HMGN3: variants seen among roughly 807,000 people sequenced by gnomAD.
HMGN3 encodes high mobility group nucleosome-binding domain-containing protein 3.
Under a neutral mutation model 18.8 loss-of-function variants are expected in HMGN3, and 6 were observed. The ratio of observed to expected loss-of-function variants is 0.32; its 90% CI spans 0.18 to 0.63. The LOEUF (loss-of-function observed/expected upper bound fraction) is 0.63, where lower values mean the gene tolerates loss of function less well. Ranked by LOEUF, HMGN3 falls within the 30% of genes least tolerant of loss-of-function variation. HMGN3 has a pLI of 0.79. For missense variants in HMGN3, 107 were observed against 114.2 expected (o/e 0.94, Z 0.29); for synonymous variants, 40 against 36.5 (o/e 1.10, Z -0.35).
rs9448658 is a variant in HMGN3, at chr6:79,201,764, A to G, written c.262-38T>C. The stretch of plus-strand genomic sequence containing the variant: ...AAGGAAAAAAAAACATATAGTTACT[A>G]CTGAAACTACTATAAGCAAAGGAAA... On this transcript the variant is annotated intron_variant, in intron 5 of 5. Coordinates refer to ENST00000344726, the Ensembl canonical transcript of HMGN3. The G allele has an allele frequency of 5.8e-4, 932 of 1,598,766 alleles. 8 individuals are homozygous for G. The African/African-American group carries it at 0.011, about 18-fold the overall frequency.
chr6:79,230,712 C>G (rs894749821), intron 1 of HMGN3, among the ~76,000 whole-genome samples: 1 of 152,082 alleles, frequency 6.6e-6, no homozygotes, highest in South Asian at 2.1e-4. Context: ...AAACAGCAAA[C>G]CTTTTTCAGT....
At chr6:79,231,918 T>C (rs1421074097) in intron 1 of HMGN3, among the ~76,000 whole-genome samples, 1 of 152,204 alleles carries the variant, frequency 6.6e-6, no homozygotes, top group Non-Finnish European at 1.5e-5. Flanking sequence ...GGGCAAAAAC[T>C]GTATGTCCCT....
intron 1 of HMGN3, among the ~76,000 whole-genome samples, chr6:79,230,426 T>C (rs893502852): frequency 6.6e-6 from 1 of 152,208 alleles, no homozygotes; most frequent in Non-Finnish European, 1.5e-5. Context: ...ATGGACTTTA[T>C]AGTAAGTAGA....
At chr6:79,218,871 T>C (rs1473120895) in intron 1 of HMGN3, among the ~76,000 whole-genome samples, 1 of 152,040 alleles carries the variant, frequency 6.6e-6, no homozygotes, top group Non-Finnish European at 1.5e-5. Context: ...AATAAAAAAC[T>C]CAAAACACGG....
intron 4 of HMGN3, among the ~76,000 whole-genome samples, chr6:79,203,255 T>G (rs953592479): frequency 6.6e-6 from 1 of 152,112 alleles, no homozygotes; most frequent in African/African-American, 2.4e-5. Flanking sequence ...ATTCCTCCCA[T>G]AGTGGGGCAG....
At chr6:79,211,465 G>GTTTTTTTTTTTTTTTT (rs58861121) in intron 2 of HMGN3, among the ~76,000 whole-genome samples, 1 of 135,366 alleles carries the variant, frequency 7.4e-6, no homozygotes, top group Non-Finnish European at 1.6e-5. Flanking sequence ...AATTTCTCTT[G>GTTTTTTTTTTTTTTTT]TTTTTTTTTT....
rs1339480816 is a variant in HMGN3, at chr6:79,234,441, T to A, written c.15+105A>T. ...AGCGTGGAGGAGCAAAGATTCCCAA[T>A]CCCCGGGTTACTACCGCGCGCGTTC... is the stretch of plus-strand genomic sequence containing the variant. On this transcript the variant is annotated intron_variant, in intron 1 of 5. Coordinates refer to ENST00000344726, the Ensembl canonical transcript of HMGN3. 6 of 1,064,930 alleles carry A rather than the reference T, an allele frequency of 5.6e-6. No homozygotes were observed. In the East Asian group the frequency reaches 7.2e-5, roughly 13 times the overall value. The allele number at this position is 1,064,930 out of a possible 1,614,324, so 66.0% of individuals were successfully genotyped here. A position where few individuals can be genotyped will look rare whatever the true frequency, so the allele number is the denominator to read the frequency against.
At chr6:79,228,757 A>C (rs750417555) in intron 1 of HMGN3, among the ~76,000 whole-genome samples, 1 of 152,182 alleles carries the variant, frequency 6.6e-6, no homozygotes, top group Non-Finnish European at 1.5e-5. Flanking sequence ...TGTAGAGATG[A>C]CGTCTCGCTA....
intron 1 of HMGN3, among the ~76,000 whole-genome samples, chr6:79,228,844 G>C (rs766198095): frequency 1.2e-3 from 176 of 152,320 alleles, no homozygotes; most frequent in Non-Finnish European, 1.9e-3. Flanking sequence ...GGGGATTACA[G>C]GTGTGAGCCA....
chr6:79,228,707 A>G (rs1777682999), intron 1 of HMGN3, among the ~76,000 whole-genome samples: 1 of 152,220 alleles, frequency 6.6e-6, no homozygotes, highest in Admixed American at 6.5e-5. Context: ...ATAAAACCAT[A>G]ATAATCAAGA....
At chr6:79,210,071 T>C (rs190230456) in intron 2 of HMGN3, among the ~76,000 whole-genome samples, 2 of 152,246 alleles carry the variant, frequency 1.3e-5, no homozygotes, top group Non-Finnish European at 2.9e-5. Context: ...ATAGGAACCA[T>C]AGTGCCTGCT....
intron 1 of HMGN3, among the ~76,000 whole-genome samples, chr6:79,229,142 G>C (rs1777709547): frequency 6.6e-6 from 1 of 152,176 alleles, no homozygotes. Context: ...AAACCTCTAT[G>C]AGAAAACATC....
intron 1 of HMGN3, among the ~76,000 whole-genome samples, chr6:79,218,189 CTT>C (rs1167655231): frequency 6.6e-6 from 1 of 152,164 alleles, no homozygotes; most frequent in East Asian, 1.9e-4. Context: ...TTTCTTATCC[CTT>C]CTGGCACACC....
At chr6:79,214,132 T>C (rs1451011194) in intron 2 of HMGN3, among the ~76,000 whole-genome samples, 1 of 151,998 alleles carries the variant, frequency 6.6e-6, no homozygotes, top group Non-Finnish European at 1.5e-5. Context: ...TATCCCAATA[T>C]CCTGAGTGTT....
chr6:79,214,493 G>A (rs1321997856), intron 2 of HMGN3, among the ~76,000 whole-genome samples: 1 of 152,148 alleles, frequency 6.6e-6, no homozygotes, highest in African/African-American at 2.4e-5. Flanking sequence ...GAGCCACTGC[G>A]CCCGGCCTAT....
intron 1 of HMGN3, among the ~76,000 whole-genome samples, chr6:79,228,062 C>G (rs1271265929): frequency 6.6e-6 from 1 of 152,176 alleles, no homozygotes; most frequent in South Asian, 2.1e-4. Flanking sequence ...TAACCCCCAA[C>G]CCTTTTAACT....
At chr6:79,201,976 T>C in intron 5 of HMGN3, 87 bp downstream of exon 6, 5 of 1,472,376 alleles carry the variant, frequency 3.4e-6, no homozygotes, top group Non-Finnish European at 4.5e-6. Flanking sequence ...GCTCCCACTC[T>C]TCATAATGAT....
intron 1 of HMGN3, among the ~76,000 whole-genome samples, chr6:79,230,562 A>G (rs1025466203): frequency 6.6e-6 from 1 of 152,202 alleles, no homozygotes; most frequent in African/African-American, 2.4e-5. Flanking sequence ...TATTTTAAAA[A>G]TTACATCTCA....
chr6:79,228,389 GC>G (rs1777664961), intron 1 of HMGN3, among the ~76,000 whole-genome samples: 1 of 152,142 alleles, frequency 6.6e-6, no homozygotes, highest in Admixed American at 6.5e-5. Flanking sequence ...CCATTTTGGA[GC>G]CTTTACTCAA....
Sources: allele counts gnomAD v4.1 joint callset (sites outside exome capture counted in the v4.1 genomes callset), GRCh38; gene constraint gnomAD v4.1.1; transcripts MANE v1.5; gene names NCBI Gene and HGNC (gene_info 2026-07-23, HGNC 2026-07-21).